Variants in THSD7B observed in about 807,000 individuals in gnomAD.
THSD7B encodes thrombospondin type 1 domain containing 7B.
Under a neutral mutation model 213.6 loss-of-function variants are expected in THSD7B, and 138 were observed. The observed-to-expected ratio is 0.65, with a 90% confidence interval of 0.56 to 0.74. The LOEUF (loss-of-function observed/expected upper bound fraction) is 0.74, where lower values mean the gene tolerates loss of function less well. Among genes scored for constraint, THSD7B ranks in the 30% least tolerant of loss-of-function variants. The probability of loss-of-function intolerance (pLI) is 0.00; values close to 1 mark genes in which losing one functional copy is unlikely to be tolerated. For missense variants in THSD7B, 1,931 were observed against 1,991.5 expected, an observed-to-expected ratio of 0.97 and a Z score of 0.58; for synonymous variants, 742 against 687.0, an observed-to-expected ratio of 1.08 and a Z score of -1.25.
intron 7 of THSD7B, among the ~76,000 whole-genome samples, chr2:137,209,758 G>C (rs771207759): frequency 5.9e-5 from 9 of 151,536 alleles, no homozygotes; most frequent in Non-Finnish European, 1.3e-4. Context: ...TGCATTTAAC[G>C]CATTTAAATT....
intron 12 of THSD7B, among the ~76,000 whole-genome samples, chr2:137,358,530 A>G (rs1483940185): frequency 6.6e-6 from 1 of 152,228 alleles, no homozygotes; most frequent in Non-Finnish European, 1.5e-5. Context: ...AAATATCTTA[A>G]AAATACCACC....
At chr2:137,354,014 C>T (rs900390292) in intron 12 of THSD7B, among the ~76,000 whole-genome samples, 2 of 152,138 alleles carry the variant, frequency 1.3e-5, no homozygotes, top group African/African-American at 4.8e-5. Flanking sequence ...TGATCCTTCT[C>T]TGTCCCAGAC....
chr2:137,473,725 G>T (rs1389938448), intron 15 of THSD7B, among the ~76,000 whole-genome samples: 2 of 152,140 alleles, frequency 1.3e-5, no homozygotes, highest in African/African-American at 2.4e-5. Flanking sequence ...GCAGTTTACT[G>T]TCCTTGCTTT....
At chr2:137,053,361 T>C (rs1379189592) in intron 2 of THSD7B, among the ~76,000 whole-genome samples, 1 of 152,180 alleles carries the variant, frequency 6.6e-6, no homozygotes, top group East Asian at 1.9e-4. Flanking sequence ...TTAATAGTTA[T>C]ACTTTTTTTC....
intron 2 of THSD7B, among the ~76,000 whole-genome samples, chr2:136,943,625 C>G (rs1010107976): frequency 1.3e-4 from 20 of 152,114 alleles, no homozygotes; most frequent in African/African-American, 4.8e-4. Context: ...TGTATGTGTT[C>G]AGGAATTCAT....
At chr2:137,182,498 A>G (rs1269441895) in intron 7 of THSD7B, among the ~76,000 whole-genome samples, 2 of 146,344 alleles carry the variant, frequency 1.4e-5, no homozygotes, top group Non-Finnish European at 2.9e-5. Flanking sequence ...GTATGAAGTT[A>G]TAAGACTCTT....
intron 12 of THSD7B, among the ~76,000 whole-genome samples, chr2:137,295,308 C>T (rs1392703998): frequency 1.3e-5 from 2 of 152,124 alleles, no homozygotes; most frequent in Admixed American, 1.3e-4. Context: ...TGCTTAGTCT[C>T]TTCCTCTAAA....
chr2:136,885,244 C>G (rs1256010143), intron 2 of THSD7B, among the ~76,000 whole-genome samples: 1 of 151,586 alleles, frequency 6.6e-6, no homozygotes, highest in African/African-American at 2.4e-5. Flanking sequence ...GTCTATTGTT[C>G]CCCACCCCCA....
At chr2:137,499,832 G>A (rs148800950) in intron 15 of THSD7B, among the ~76,000 whole-genome samples, 7 of 152,226 alleles carry the variant, frequency 4.6e-5, no homozygotes, top group African/African-American at 1.7e-4. Context: ...CACACCAGAG[G>A]ACTATCAGGA....
At chr2:137,632,903 A>T (rs969019851) in intron 20 of THSD7B, among the ~76,000 whole-genome samples, 1 of 152,134 alleles carries the variant, frequency 6.6e-6, no homozygotes, top group Non-Finnish European at 1.5e-5. Context: ...CTTAAGTTGG[A>T]TCTTCTCTAG....
At chr2:137,429,805 T>C (rs2105038144) in intron 14 of THSD7B, among the ~76,000 whole-genome samples, 1 of 152,320 alleles carries the variant, frequency 6.6e-6, no homozygotes, top group African/African-American at 2.4e-5. Context: ...AGTTAAGCTG[T>C]TTAGGAACTG....
chr2:137,511,289 C>A (rs562250516), intron 15 of THSD7B, among the ~76,000 whole-genome samples: 1 of 152,326 alleles, frequency 6.6e-6, no homozygotes, highest in Non-Finnish European at 1.5e-5. Context: ...TAAGTCCACA[C>A]ACTCCTAGTC....
At chr2:136,983,439 T>A (rs1558876412) in intron 2 of THSD7B, among the ~76,000 whole-genome samples, 1 of 148,760 alleles carries the variant, frequency 6.7e-6, no homozygotes, top group East Asian at 2.0e-4. Context: ...TAGAACTCCC[T>A]TTGGAGGTCT....
intron 2 of THSD7B, among the ~76,000 whole-genome samples, chr2:136,889,274 A>G (rs533370661): frequency 6.6e-6 from 1 of 152,224 alleles, no homozygotes; most frequent in Admixed American, 6.5e-5. Context: ...CTCACCTTCC[A>G]GTTCATTTAC....
chr2:137,068,707 A>G (rs1263704750), intron 3 of THSD7B, among the ~76,000 whole-genome samples: 2 of 152,132 alleles, frequency 1.3e-5, no homozygotes, highest in Non-Finnish European at 2.9e-5. Context: ...GTTCTAAAGT[A>G]CAGATTCCTT....
At chr2:137,429,129 G>C (rs539097664) in intron 14 of THSD7B, among the ~76,000 whole-genome samples, 8 of 152,304 alleles carry the variant, frequency 5.3e-5, no homozygotes, top group East Asian at 3.9e-4. Flanking sequence ...GACATTTATG[G>C]AGACAGAAAT....
intron 15 of THSD7B, among the ~76,000 whole-genome samples, chr2:137,486,767 A>G (rs1688456560): frequency 6.6e-6 from 1 of 152,220 alleles, no homozygotes. Flanking sequence ...AGCAAATGTA[A>G]AAGAACAGAA....
intron 2 of THSD7B, among the ~76,000 whole-genome samples, chr2:137,047,284 G>T (rs1686988849): frequency 6.6e-6 from 1 of 152,162 alleles, no homozygotes; most frequent in Admixed American, 6.5e-5. Context: ...TCTGATCTTT[G>T]TAAACCTTCC....
intron 15 of THSD7B, among the ~76,000 whole-genome samples, chr2:137,479,976 G>A (rs1422940820): frequency 6.6e-6 from 1 of 152,166 alleles, no homozygotes; most frequent in Admixed American, 6.5e-5. Context: ...GATTGCAGGA[G>A]TTCACAGTGG....
Sources: allele counts gnomAD v4.1 joint callset (sites outside exome capture counted in the v4.1 genomes callset), GRCh38; gene constraint gnomAD v4.1.1; transcripts MANE v1.5; gene names NCBI Gene and HGNC (gene_info 2026-07-23, HGNC 2026-07-21).